The following RNLS variants were observed in gnomAD, a reference collection of about 807,000 sequenced individuals.
RNLS encodes the protein renalase, FAD dependent amine oxidase.
Under a neutral mutation model 39.8 loss-of-function variants are expected in RNLS, and 39 were observed. That is an observed-to-expected ratio of 0.98 (90% confidence interval 0.76 to 1.28). The LOEUF is 1.28. Among genes scored for constraint, RNLS ranks in the 50% most tolerant of loss-of-function variants. RNLS has a pLI of 0.00. For missense variants in RNLS, 410 were observed against 413.3 expected (o/e 0.99, Z 0.07); for synonymous variants, 147 against 150.7 (o/e 0.98, Z 0.18).
chr10:88,512,377 A>C (rs1846173939), intron 4 of RNLS, among the ~76,000 whole-genome samples: 1 of 152,136 alleles, frequency 6.6e-6, no homozygotes, highest in South Asian at 2.1e-4. Flanking sequence ...TCTTCTTCAT[A>C]GGTCTATAAA....
At chr10:88,378,872 A>T (rs1468899368) in intron 4 of RNLS, among the ~76,000 whole-genome samples, 1 of 152,152 alleles carries the variant, frequency 6.6e-6, no homozygotes, top group African/African-American at 2.4e-5. Context: ...TTGTCAGTTG[A>T]TTTCCATCAA....
chr10:88,320,016 A>G (rs1846059430), intron 5 of RNLS, among the ~76,000 whole-genome samples: 2 of 152,098 alleles, frequency 1.3e-5, no homozygotes, highest in Non-Finnish European at 2.9e-5. Context: ...CATGAAAAAA[A>G]AATTCTCAAA....
chr10:88,182,873 G>T, the RNLS span, among the ~76,000 whole-genome samples: 1 of 152,088 alleles, frequency 6.6e-6, no homozygotes, highest in African/African-American at 2.4e-5. Context: ...GTTGTGGAAA[G>T]GCAACCTAGT....
chr10:88,499,139 T>C (rs1471919631), intron 4 of RNLS, among the ~76,000 whole-genome samples: 2 of 152,172 alleles, frequency 1.3e-5, no homozygotes, highest in Non-Finnish European at 2.9e-5. Flanking sequence ...AAAAGTGTTA[T>C]GCACATGGAG....
intron 4 of RNLS, among the ~76,000 whole-genome samples, chr10:88,376,722 GAAATATATGC>G (rs1177652007): frequency 1.3e-5 from 2 of 152,028 alleles, no homozygotes; most frequent in Admixed American, 1.3e-4. Flanking sequence ...CTGCCTGTGT[GAAATATATGC>G]AAATCTTCCC....
chr10:88,424,007 C>G (rs549693244), intron 4 of RNLS, among the ~76,000 whole-genome samples: 1 of 152,186 alleles, frequency 6.6e-6, no homozygotes, highest in African/African-American at 2.4e-5. Context: ...TTTCTTATCT[C>G]TCATGTAAAG....
chr10:88,408,923 A>G (rs1267451891), intron 4 of RNLS, among the ~76,000 whole-genome samples: 2 of 152,118 alleles, frequency 1.3e-5, no homozygotes, highest in Non-Finnish European at 2.9e-5. Context: ...AATTAGGAAA[A>G]TGTTTTTAAA....
the RNLS span, among the ~76,000 whole-genome samples, chr10:88,253,460 A>G: frequency 1.3e-5 from 2 of 152,186 alleles, no homozygotes; most frequent in African/African-American, 4.8e-5. Context: ...GGGGTGCCAG[A>G]TGGACACAGA....
At position 88,566,133 on chromosome 10, in the gene RNLS, A is replaced by T. The variant is rs371663615; in HGVS notation, c.526+6770T>A. Among the ~76,000 whole-genome samples, 22 of 152,196 alleles carry T rather than the reference A, an allele frequency of 1.4e-4. 1 individual carries two copies. In the East Asian group the frequency reaches 2.1e-3, roughly 15 times the overall value. On this transcript the variant is annotated intron_variant, in intron 4 of 6. Coordinates refer to ENST00000331772, the MANE Select transcript of RNLS (RefSeq NM_001031709.3). The stretch of plus-strand genomic sequence containing the variant: ...AATCGTAAAGAAGAAAATGAAAATC[A>T]TATCTGAGCAATAGCCAATGTTAAT...
intron 5 of RNLS, among the ~76,000 whole-genome samples, chr10:88,359,116 C>A (rs1849427806): frequency 6.6e-6 from 1 of 152,002 alleles, no homozygotes; most frequent in South Asian, 2.1e-4. Flanking sequence ...GGTTCAAGAC[C>A]AGACTGGCCA....
At chr10:88,502,088 CA>C (rs1299543640) in intron 4 of RNLS, among the ~76,000 whole-genome samples, 1 of 152,048 alleles carries the variant, frequency 6.6e-6, no homozygotes, top group Non-Finnish European at 1.5e-5. Flanking sequence ...TAAATCCATA[CA>C]AGATATATCA....
the RNLS span, among the ~76,000 whole-genome samples, chr10:88,237,341 A>T: frequency 1.3e-5 from 2 of 149,848 alleles, no homozygotes; most frequent in Admixed American, 1.3e-4. Context: ...ATACAAAAGC[A>T]TCATAAGTTA....
chr10:88,373,907 CTGTG>C (rs1377062814), intron 4 of RNLS, among the ~76,000 whole-genome samples: 1 of 152,000 alleles, frequency 6.6e-6, no homozygotes, highest in Admixed American at 6.6e-5. Context: ...CAGCAAAAGA[CTGTG>C]TGTGTCTGTA....
intron 4 of RNLS, among the ~76,000 whole-genome samples, chr10:88,532,671 A>T (rs920713835): frequency 1.3e-5 from 2 of 152,046 alleles, no homozygotes; most frequent in Non-Finnish European, 2.9e-5. Context: ...ATTCTATAGA[A>T]ATCCTAAGGA....
At chr10:88,550,948 G>A (rs1564892085) in intron 4 of RNLS, among the ~76,000 whole-genome samples, 1 of 152,158 alleles carries the variant, frequency 6.6e-6, no homozygotes, top group Non-Finnish European at 1.5e-5. Flanking sequence ...TGATATTTAG[G>A]ATTCTATATA....
rs555845405 is a variant in RNLS, at chr10:88,363,332, C to T, written c.527-607G>A. Among the ~76,000 whole-genome samples, 10 of 152,148 alleles carry T rather than the reference C, an allele frequency of 6.6e-5. No homozygotes were observed. The South Asian group carries it at 2.1e-3, about 32-fold the overall frequency. Reference sequence around the variant, plus strand: ...CTAGGGGATGGGATGATCTGTGCAGCAAACCACCATGGCACATGATTACCT... The same window carrying T: ...CTAGGGGATGGGATGATCTGTGCAGTAAACCACCATGGCACATGATTACCT... On this transcript the variant is annotated intron_variant, in intron 4 of 6. Coordinates refer to ENST00000331772, the MANE Select transcript of RNLS (RefSeq NM_001031709.3).
the RNLS span, among the ~76,000 whole-genome samples, chr10:88,190,589 T>C: frequency 6.6e-6 from 1 of 152,226 alleles, no homozygotes; most frequent in East Asian, 1.9e-4. Context: ...TGCTATAATA[T>C]ATTAAGGCTC....
chr10:88,446,453 A>G (rs1227158910), intron 4 of RNLS, among the ~76,000 whole-genome samples: 1 of 152,226 alleles, frequency 6.6e-6, no homozygotes, highest in Non-Finnish European at 1.5e-5. Flanking sequence ...AAGGCAAGAA[A>G]TAACTAAGAT....
chr10:88,582,298 A>G lies in RNLS; in HGVS notation c.128T>C (p.Met43Thr), dbSNP rs1242739294. The G allele has an allele frequency of 7.4e-6, 12 of 1,612,842 alleles. No homozygotes were observed. Among genetic ancestry groups the G allele is most frequent in the African/African-American group, 1.3e-5 (1 of 74,906 alleles). The change falls in exon 2 of 7, where the codon ATG (methionine) becomes ACG (threonine). Residue 43 changes from methionine to threonine, a missense_variant. By Grantham distance (81) the Met-to-Thr change is moderately conservative. Coordinates refer to ENST00000331772, the MANE Select transcript of RNLS (RefSeq NM_001031709.3). ...ATTATGAGGACTGCAGGCTGTAGTC[A>G]TTCTTCCCCCTTGAATTAATCCACA... ...WDKAEDSGGR[M>T]TTACSPHNPQ... is the part of the protein sequence containing the mutation.
Sources: gnomAD v4.1 joint callset for allele counts (sites outside exome capture counted in the v4.1 genomes callset) on GRCh38, gnomAD v4.1.1 for gene constraint, MANE v1.5 for transcripts, NCBI Gene and HGNC (gene_info 2026-07-23, HGNC 2026-07-21) for gene names.